The following DIAPH3 variants were observed in gnomAD, a reference collection of about 807,000 sequenced individuals.
The protein encoded by DIAPH3 is protein diaphanous homolog 3.
Under a neutral mutation model 144.3 loss-of-function variants are expected in DIAPH3, and 117 were observed. The observed-to-expected ratio is 0.81, with a 90% CI of 0.70 to 0.95. The LOEUF is 0.95. Among genes scored for constraint, DIAPH3 ranks in the 40% least tolerant of loss-of-function variants. The pLI, the probability that DIAPH3 is intolerant of heterozygous loss-of-function variation, is 0.00. For missense variants in DIAPH3, 1,421 were observed against 1,412.7 expected, an observed-to-expected ratio of 1.01 and a Z score of -0.09; for synonymous variants, 519 against 488.9, an observed-to-expected ratio of 1.06 and a Z score of -0.81.
At chr13:59,872,998 G>C (rs746676313) in intron 21 of DIAPH3, among the ~76,000 whole-genome samples, 10 of 152,178 alleles carry the variant, frequency 6.6e-5, no homozygotes, top group Non-Finnish European at 1.0e-4. Flanking sequence ...AAGGTGACAT[G>C]AAAATAATTT....
intron 4 of DIAPH3, among the ~76,000 whole-genome samples, chr13:60,089,353 G>A (rs2057854095): frequency 6.6e-6 from 1 of 151,816 alleles, no homozygotes; most frequent in Admixed American, 6.6e-5. Flanking sequence ...GCATTCTAAG[G>A]GAAGATAAGA....
At chr13:59,754,415 T>A (rs1466513896) in intron 27 of DIAPH3, among the ~76,000 whole-genome samples, 5 of 152,166 alleles carry the variant, frequency 3.3e-5, no homozygotes. Flanking sequence ...TTATTCTTTT[T>A]GGCATCTTAT....
intron 23 of DIAPH3, 26 bp downstream of exon 23, chr13:59,839,298 A>C (rs202185235): frequency 3.7e-6 from 6 of 1,611,726 alleles, no homozygotes; most frequent in Non-Finnish European, 5.1e-6. Flanking sequence ...CTAGTGACTT[A>C]AGTTATTTAG....
At chr13:60,002,702 T>C (rs558459147) in intron 9 of DIAPH3, among the ~76,000 whole-genome samples, 1 of 152,298 alleles carries the variant, frequency 6.6e-6, no homozygotes, top group African/African-American at 2.4e-5. Context: ...TACAGCATTC[T>C]ATCACTGCAG....
intron 1 of DIAPH3, among the ~76,000 whole-genome samples, chr13:60,150,712 T>G (rs1430656365): frequency 6.6e-6 from 1 of 152,206 alleles, no homozygotes; most frequent in South Asian, 2.1e-4. Flanking sequence ...TCCACCAGGA[T>G]GCAGGAACCC....
intron 17 of DIAPH3, among the ~76,000 whole-genome samples, chr13:59,928,334 G>A (rs184671655): frequency 6.6e-6 from 1 of 151,966 alleles, no homozygotes. Flanking sequence ...GCTTCACTGA[G>A]TTTCCTTACA....
intron 25 of DIAPH3, among the ~76,000 whole-genome samples, chr13:59,785,997 T>G (rs2039013477): frequency 2.0e-5 from 3 of 152,174 alleles, no homozygotes; most frequent in Admixed American, 1.3e-4. Flanking sequence ...CACAAGGTCA[T>G]TCTTTTAGTT....
At chr13:59,691,741 G>C (rs1024713124) in intron 27 of DIAPH3, among the ~76,000 whole-genome samples, 1 of 152,166 alleles carries the variant, frequency 6.6e-6, no homozygotes, top group Non-Finnish European at 1.5e-5. Flanking sequence ...TTTAGCTCAA[G>C]TGCATTTAAA....
At chr13:59,970,521 AT>A (rs950783044) in intron 16 of DIAPH3, among the ~76,000 whole-genome samples, 15 of 151,146 alleles carry the variant, frequency 9.9e-5, no homozygotes, top group African/African-American at 3.2e-4. Context: ...GAACACCATC[AT>A]TTTTTTTTGA....
intron 9 of DIAPH3, among the ~76,000 whole-genome samples, chr13:60,005,334 G>C (rs551055641): frequency 1.2e-4 from 19 of 152,168 alleles, no homozygotes; most frequent in Non-Finnish European, 2.4e-4. Flanking sequence ...TAGATCAATA[G>C]TTGTCTCAGG....
Position 59,969,977 on chromosome 13 carries a change from T to G in DIAPH3, c.2041A>C (p.Lys681Gln). Residue 681 changes from lysine (K) to glutamine (Q), a missense_variant, in exon 17 of 28, where the codon AAA (lysine) becomes CAA (glutamine). By Grantham distance (53) the Lys-to-Gln change is moderately conservative (BLOSUM62 1). Coordinates refer to ENST00000400324, the MANE Select transcript of DIAPH3 (RefSeq NM_001042517.2). The part of the protein sequence containing the change: ...NKYENVDLLC[K>Q]LENTFCCQQK... Reference sequence around the variant, plus strand: ...TGGCAACAAAATGTATTCTCAAGTTTACAAAGCAAATCCACGTTTTCATAC... The same window carrying G: ...TGGCAACAAAATGTATTCTCAAGTTGACAAAGCAAATCCACGTTTTCATAC... 6.2e-7 allele frequency: 1 copy of G among 1,609,328 alleles called. No individual in the cohort carries two copies. Among genetic ancestry groups the G allele is most frequent in the Non-Finnish European group, 8.5e-7 (1 of 1,177,386 alleles).
intron 3 of DIAPH3, among the ~76,000 whole-genome samples, chr13:60,094,498 G>A (rs1023338382): frequency 2.0e-5 from 3 of 152,134 alleles, no homozygotes; most frequent in East Asian, 1.9e-4. Flanking sequence ...AGGAAAGGGC[G>A]CCTGAGGTAA....
intron 2 of DIAPH3, among the ~76,000 whole-genome samples, chr13:60,132,314 C>T (rs1317154640): frequency 6.6e-6 from 1 of 152,118 alleles, no homozygotes. Context: ...AATGGGGGGC[C>T]ATGCTTTTTC....
chr13:60,087,434 AAT>A (rs1437582375), intron 4 of DIAPH3, among the ~76,000 whole-genome samples: 1 of 152,214 alleles, frequency 6.6e-6, no homozygotes, highest in Non-Finnish European at 1.5e-5. Context: ...CATACACACA[AAT>A]ATATACATAC....
At chr13:59,922,376 C>T (rs2047561330) in intron 18 of DIAPH3, among the ~76,000 whole-genome samples, 1 of 151,994 alleles carries the variant, frequency 6.6e-6, no homozygotes, top group East Asian at 1.9e-4. Flanking sequence ...ATATAGGAAA[C>T]CAAAACCACT....
chr13:59,871,530 TTCTGCATCTA>T (rs2044279659), intron 21 of DIAPH3, among the ~76,000 whole-genome samples: 1 of 152,214 alleles, frequency 6.6e-6, no homozygotes, highest in South Asian at 2.1e-4. Context: ...CAAATGCATT[TTCTGCATCTA>T]TTGGTGAGTT....
chr13:59,712,171 C>G (rs116746362), intron 27 of DIAPH3, among the ~76,000 whole-genome samples: 243 of 152,204 alleles, frequency 1.6e-3, no homozygotes, highest in African/African-American at 5.3e-3. Flanking sequence ...ACAAGAGAAA[C>G]AGAGAGGCAG....
At chr13:59,727,055 T>C (rs1225921422) in intron 27 of DIAPH3, among the ~76,000 whole-genome samples, 1 of 152,142 alleles carries the variant, frequency 6.6e-6, no homozygotes, top group African/African-American at 2.4e-5. Flanking sequence ...TTCCTTATCA[T>C]GTCTTTCAAT....
At chr13:59,714,084 G>T (rs1322210627) in intron 27 of DIAPH3, among the ~76,000 whole-genome samples, 4 of 152,078 alleles carry the variant, frequency 2.6e-5, no homozygotes, top group African/African-American at 9.7e-5. Flanking sequence ...GCTAGGGCCG[G>T]GCGCGGTGGC....
Sources: gnomAD v4.1 joint callset for allele counts (sites outside exome capture counted in the v4.1 genomes callset) on GRCh38, gnomAD v4.1.1 for gene constraint, MANE v1.5 for transcripts, NCBI Gene and HGNC (gene_info 2026-07-23, HGNC 2026-07-21) for gene names.